CNTN1: variants seen among roughly 807,000 people sequenced by gnomAD.
The protein encoded by CNTN1 is contactin-1.
A neutral mutation model predicts 126.4 loss-of-function variants in CNTN1; 38 were observed. The ratio of observed to expected loss-of-function variants is 0.30; its 90% CI spans 0.23 to 0.39. CNTN1 has a LOEUF of 0.39. Among genes scored for constraint, CNTN1 ranks in the 10% least tolerant of loss-of-function variants. The pLI is 1.00. For synonymous variants in CNTN1, 413 were observed against 422.6 expected, an observed-to-expected ratio of 0.98 and a Z score of 0.28; for missense variants, 1,009 against 1,248.4, an observed-to-expected ratio of 0.81 and a Z score of 2.89.
chr12:40,991,631 C>T (rs1168059827), intron 16 of CNTN1, among the ~76,000 whole-genome samples: 1 of 152,126 alleles, frequency 6.6e-6, no homozygotes, highest in Non-Finnish European at 1.5e-5. Flanking sequence ...AGATCAAGAC[C>T]ATCCTGGCTA....
At chr12:40,890,412 G>T (rs1944201106) in intron 1 of CNTN1, among the ~76,000 whole-genome samples, 1 of 152,074 alleles carries the variant, frequency 6.6e-6, no homozygotes. Context: ...CTATGGATTT[G>T]CATGAATTTA....
At chr12:40,697,760 C>G (rs1281686542) in intron 1 of CNTN1, among the ~76,000 whole-genome samples, 1 of 152,204 alleles carries the variant, frequency 6.6e-6, no homozygotes, top group East Asian at 1.9e-4. Flanking sequence ...TCCACTCAGT[C>G]TATTAAGATC....
intron 23 of CNTN1, among the ~76,000 whole-genome samples, chr12:41,042,465 G>T (rs1455588559): frequency 6.6e-6 from 1 of 151,912 alleles, no homozygotes; most frequent in Non-Finnish European, 1.5e-5. Flanking sequence ...CAATTCCTGG[G>T]TATCCTTGTT....
At chr12:40,754,462 AT>A (rs1243677977) in intron 1 of CNTN1, among the ~76,000 whole-genome samples, 1 of 151,960 alleles carries the variant, frequency 6.6e-6, no homozygotes, top group Non-Finnish European at 1.5e-5. Flanking sequence ...GTTATACTGT[AT>A]TTTTTTATTT....
chr12:40,835,779 G>A (rs796637177), intron 1 of CNTN1, among the ~76,000 whole-genome samples: 48 of 146,976 alleles, frequency 3.3e-4, no homozygotes, highest in South Asian at 1.3e-3. Context: ...AGTGTCTTCC[G>A]AAATTCTAAA....
chr12:40,864,206 C>T (rs1943220171), intron 1 of CNTN1, among the ~76,000 whole-genome samples: 1 of 151,346 alleles, frequency 6.6e-6, no homozygotes, highest in Non-Finnish European at 1.5e-5. Flanking sequence ...TTAGTAGAGA[C>T]AGGGGGTTTC....
chr12:40,758,195 A>C (rs979994324), intron 1 of CNTN1, among the ~76,000 whole-genome samples: 6 of 151,502 alleles, frequency 4.0e-5, no homozygotes, highest in Non-Finnish European at 8.8e-5. Flanking sequence ...TCAGTGATTT[A>C]ATGTTTCTAA....
intron 15 of CNTN1, chr12:40,971,566 A>G (rs1947513310): frequency 6.4e-7 from 1 of 1,550,538 alleles, no homozygotes; most frequent in Admixed American, 1.9e-5. Flanking sequence ...AACATATTAT[A>G]CTAGATTTGA....
At chr12:40,987,935 C>CT (rs79306393) in intron 16 of CNTN1, among the ~76,000 whole-genome samples, 18,776 of 140,014 alleles carry the variant, frequency 0.13, 1,304 homozygotes, top group Non-Finnish European at 0.15. Flanking sequence ...GGACAGTATC[C>CT]TTTTTTTTTT....
At chr12:40,945,534 G>A (rs1053095075) in intron 14 of CNTN1, among the ~76,000 whole-genome samples, 19 of 151,956 alleles carry the variant, frequency 1.3e-4, no homozygotes, top group Non-Finnish European at 1.0e-4. Context: ...ACTAATAGCT[G>A]CAATGAAGTC....
chr12:40,976,759 C>T (rs1048955791), intron 15 of CNTN1, among the ~76,000 whole-genome samples: 1 of 152,118 alleles, frequency 6.6e-6, no homozygotes, highest in African/African-American at 2.4e-5. Context: ...TGCTTGAAAA[C>T]CTTCCTGCTG....
chr12:40,754,649 T>C (rs1795754371), intron 1 of CNTN1, among the ~76,000 whole-genome samples: 1 of 152,038 alleles, frequency 6.6e-6, no homozygotes, highest in African/African-American at 2.4e-5. Flanking sequence ...TTTCTAACAG[T>C]TATTTGTATT....
chr12:41,041,724 C>T (rs1012806720), intron 23 of CNTN1, among the ~76,000 whole-genome samples: 8 of 151,860 alleles, frequency 5.3e-5, no homozygotes, highest in African/African-American at 1.5e-4. Context: ...TGGTATTCTC[C>T]AATGGTAGTT....
chr12:40,700,982 T>G (rs1445976677), intron 1 of CNTN1, among the ~76,000 whole-genome samples: 2 of 152,226 alleles, frequency 1.3e-5, no homozygotes, highest in Admixed American at 6.5e-5. Flanking sequence ...AAAAAGTTAA[T>G]GCATGGAGAG....
At chr12:40,894,116 C>G (rs1248397989) in intron 1 of CNTN1, among the ~76,000 whole-genome samples, 1 of 152,108 alleles carries the variant, frequency 6.6e-6, no homozygotes, top group African/African-American at 2.4e-5. Context: ...GGTTCATACC[C>G]TCCTTGAAGC....
chr12:40,745,528 G>T (rs1025871774), intron 1 of CNTN1, among the ~76,000 whole-genome samples: 6 of 152,130 alleles, frequency 3.9e-5, no homozygotes, highest in African/African-American at 1.4e-4. Flanking sequence ...GAAAGAAAAT[G>T]TCTGGGTTAA....
At chr12:40,997,925 C>A (rs1000982330) in intron 17 of CNTN1, among the ~76,000 whole-genome samples, 20 of 152,024 alleles carry the variant, frequency 1.3e-4, no homozygotes, top group Non-Finnish European at 7.4e-5. Flanking sequence ...GTACTGGAAT[C>A]TGATTTTATT....
chr12:40,864,067 C>T (rs1486798613), intron 1 of CNTN1, among the ~76,000 whole-genome samples: 3 of 136,708 alleles, frequency 2.2e-5, no homozygotes, highest in Admixed American at 1.6e-4. Context: ...GTTGCCCAGG[C>T]TGGAGTGCAA....
intron 1 of CNTN1, among the ~76,000 whole-genome samples, chr12:40,800,132 T>A (rs1344098876): frequency 6.6e-6 from 1 of 151,944 alleles, no homozygotes; most frequent in Non-Finnish European, 1.5e-5. Context: ...GTGGAGGTAA[T>A]TGGATCATGG....
Sources: allele counts gnomAD v4.1 joint callset (sites outside exome capture counted in the v4.1 genomes callset), GRCh38; gene constraint gnomAD v4.1.1; transcripts MANE v1.5; gene names NCBI Gene and HGNC (gene_info 2026-07-23, HGNC 2026-07-21).